The following EIF5 variants were observed in gnomAD, a reference collection of about 807,000 sequenced individuals.
The protein encoded by EIF5 is eukaryotic translation initiation factor 5.
Under a neutral mutation model 48.3 loss-of-function variants are expected in EIF5, and 10 were observed. The observed-to-expected ratio is 0.21, with a 90% CI of 0.13 to 0.35. EIF5 has a LOEUF of 0.35. Among genes scored for constraint, EIF5 ranks in the 10% least tolerant of loss-of-function variants. EIF5 has a pLI of 1.00. For missense variants in EIF5, 397 were observed against 533.2 expected (o/e 0.74, Z 2.51); for synonymous variants, 237 against 173.1 (o/e 1.37, Z -2.90).
At chr14:103,338,557 C>G (rs750276164) in intron 7 of EIF5, 85 bp downstream of exon 7, 1 of 1,505,530 alleles carries the variant, frequency 6.6e-7, no homozygotes, top group Admixed American at 2.4e-5. Context: ...AATGTTGAAA[C>G]TAGCCTTCAG....
intron 8 of EIF5, 68 bp from the exon 9 acceptor site, chr14:103,339,104 C>G: frequency 6.5e-7 from 1 of 1,542,094 alleles, no homozygotes; most frequent in South Asian, 1.3e-5. Flanking sequence ...AGAGCAGGGA[C>G]TGGCTGGTGT....
In EIF5 at chr14:103,339,158, CCTTTT is replaced by C; in HGVS notation, c.745-9_745-5del. The C allele has an allele frequency of 6.2e-7, 1 of 1,600,018 alleles. No homozygotes were observed. The highest frequency in any genetic ancestry group is 8.5e-7 in the Non-Finnish European group (1 of 1,175,806). ...TGCCTCCATTGCACTGAATTGTTTT[CCTTTT>C]CTTTGCAGAAAAAGAAAGAAGAGGG... On this transcript the variant is annotated splice_polypyrimidine_tract_variant and intron_variant, in intron 8 of 11. Coordinates refer to ENST00000216554, the MANE Select transcript of EIF5 (RefSeq NM_001969.5).
At chr14:103,338,105 AC>A (rs1197940054) in intron 6 of EIF5, 1 of 681,492 alleles carries the variant, frequency 1.5e-6, no homozygotes, top group Non-Finnish European at 2.5e-6. Flanking sequence ...CAGTTACAAT[AC>A]CCCTAATATT....
At chr14:103,338,927 A>C in intron 8 of EIF5, 34 bp downstream of exon 8, 1 of 1,604,596 alleles carries the variant, frequency 6.2e-7, no homozygotes, top group South Asian at 1.1e-5. Context: ...AATCAGCTTC[A>C]ACCCAGCCTT....
In EIF5 at chr14:103,341,003, C is replaced by G. The variant is rs1164843297; in HGVS notation, c.1247C>G (p.Thr416Ser). 2 of 1,614,162 alleles carry G rather than the reference C, an allele frequency of 1.2e-6. No homozygotes were observed. The highest frequency in any genetic ancestry group is 1.6e-4 in the Middle Eastern group (1 of 6,062). ...GCTGCCAGTGTACCGAAAGTTGAGA[C>G]TGTAAAGTCAGACAACAAGGATGAC... is the stretch of plus-strand genomic sequence containing the variant. ...SKAASVPKVE[T>S]VKSDNKDDDI... is the part of the protein sequence containing the mutation. Residue 416 changes from threonine (T) to serine (S), a missense_variant, in exon 12 of 12, where the codon ACT (threonine) becomes AGT (serine). Physicochemically the swap from Thr to Ser is moderately conservative, Grantham distance 58 (BLOSUM62 1). Around this residue, in one of 4 missense-constraint regions of EIF5, gnomAD observed 160 missense variants for 184.8 expected, o/e 0.87. Coordinates refer to ENST00000216554, the MANE Select transcript of EIF5 (RefSeq NM_001969.5).
chr14:103,337,208 C>T lies in EIF5; in HGVS notation c.420C>T (p.Phe140=). 1.2e-6 allele frequency: 2 copies of T among 1,612,334 alleles called. No individual in the cohort carries two copies. The highest frequency in any genetic ancestry group is 1.7e-6 in the Non-Finnish European group (2 of 1,179,604). ...MLDTHHKLCT[F]ILKNPPENSD... ...ACACACATCATAAACTCTGCACATTCATTCTCAAAAACCCACCTGGTGAGT... is the reference window on the plus strand; with the variant it reads ...ACACACATCATAAACTCTGCACATTTATTCTCAAAAACCCACCTGGTGAGT... Residue 140 remains phenylalanine, a synonymous_variant, in exon 6 of 12, where the codon TTC becomes TTT. Coordinates refer to ENST00000216554, the MANE Select transcript of EIF5 (RefSeq NM_001969.5).
Position 103,339,832 on chromosome 14 carries a change from G to T in EIF5, c.1071+29G>T, listed in dbSNP as rs552248851. The T allele has an allele frequency of 7.5e-6, 12 of 1,601,038 alleles. No individual in the cohort carries two copies. In the South Asian group the frequency reaches 1.4e-4, roughly 18 times the overall value. ...GGGAATACATAGGTGGGCTCTTAAA[G>T]TTCACAGGTTTTGGGGGGTTTTTTT... is the stretch of plus-strand genomic sequence containing the variant. On this transcript the variant is annotated intron_variant, in intron 10 of 11. Transcript: ENST00000216554.
chr14:103,339,503 A>G (rs2089328033), intron 9 of EIF5, 136 bp from the exon 10 acceptor site: 5 of 1,430,418 alleles, frequency 3.5e-6, no homozygotes. Flanking sequence ...ACAAAGTAAC[A>G]GGGATGTTTA....
chr14:103,339,280 T>A lies in EIF5; in HGVS notation c.853T>A (p.Phe285Ile), dbSNP rs775190276. 1 of 1,610,722 alleles carries A rather than the reference T, an allele frequency of 6.2e-7. No homozygotes were observed. Among genetic ancestry groups the A allele is most frequent in the Non-Finnish European group, 8.5e-7 (1 of 1,179,250 alleles). The change falls in exon 9 of 12, where the codon TTT (phenylalanine) becomes ATT (isoleucine). Residue 285 changes from phenylalanine (F) to isoleucine (I), a missense_variant. This residue lies in a region of EIF5 where 160 missense variants were observed against 184.8 expected (regional missense o/e 0.87). Coordinates refer to ENST00000216554, the MANE Select transcript of EIF5 (RefSeq NM_001969.5). ...CCCTCTTGTTCTAACTGAAGTTCTT[T>A]TTAATGAGAAGATTAGAGAACAGAT... ...MGPLVLTEVL[F>I]NEKIREQIKK...
At chr14:103,335,144 A>G (rs1182839861) in intron 2 of EIF5, 3 of 152,322 alleles carry the variant, frequency 2.0e-5, no homozygotes, top group Admixed American at 6.5e-5. Flanking sequence ...CTTAATGGCA[A>G]ATTGTGGGCG....
intron 3 of EIF5, 26 bp from the exon 4 acceptor site, chr14:103,336,010 A>G (rs2140358384): frequency 1.2e-6 from 2 of 1,614,090 alleles, no homozygotes; most frequent in East Asian, 4.5e-5. Flanking sequence ...GGGAAACTGC[A>G]CAACTAAAAT....
At chr14:103,338,978 A>G in intron 8 of EIF5, 85 bp downstream of exon 8, 3 of 1,528,326 alleles carry the variant, frequency 2.0e-6, no homozygotes, top group Non-Finnish European at 2.6e-6. Flanking sequence ...CAGTGTAATT[A>G]GGATTACTCT....
In EIF5 at chr14:103,338,419, A is replaced by ACACCACCAC. The variant is rs548001106; in HGVS notation, c.547_555dup (p.Pro183_Pro185dup). ...AAATGGCTCCGTATCCAGCAGTGAG[A>ACACCACCAC]CACCACCACCACCACCACCACCAAA... On this transcript the variant is annotated inframe_insertion, in exon 7 of 12. Transcript: ENST00000216554. The ACACCACCAC allele has an allele frequency of 1.2e-6, 2 of 1,600,538 alleles. No individual in the cohort carries two copies. The highest frequency in any genetic ancestry group is 1.7e-6 in the Non-Finnish European group (2 of 1,172,870).
Position 103,337,197 on chromosome 14 carries a change from C to G in EIF5, c.409C>G (p.Leu137Val), listed in dbSNP as rs2089296870. 6.2e-7 allele frequency: 1 copy of G among 1,613,374 alleles called. No individual in the cohort carries two copies. Among genetic ancestry groups the G allele is most frequent in the Non-Finnish European group, 8.5e-7 (1 of 1,179,870 alleles). Residue 137 changes from leucine (L) to valine (V), a missense_variant, in exon 6 of 12, where the codon CTC becomes GTC. By Grantham distance (32) the Leu-to-Val change is conservative. This residue lies in a region of EIF5 where 108 missense variants were observed against 188.3 expected (regional missense o/e 0.57). Coordinates refer to ENST00000216554, the MANE Select transcript of EIF5 (RefSeq NM_001969.5). ...AGGCATGCTTGACACACATCATAAA[C>G]TCTGCACATTCATTCTCAAAAACCC... Reference protein sequence around the residue: ...YRGMLDTHHKLCTFILKNPPE... With the variant: ...YRGMLDTHHKVCTFILKNPPE...
In EIF5 at chr14:103,344,993, G is replaced by C. The variant is rs1292863954; in HGVS notation, c.*3941G>C. 6.6e-6 allele frequency: 1 copy of C among 152,136 alleles called. No individual in the cohort carries two copies. The highest frequency in any genetic ancestry group is 1.5e-5 in the Non-Finnish European group (1 of 68,018). 9.4% of individuals were successfully genotyped at this position (152,136 alleles called of 1,614,324 possible). On this transcript the variant is annotated 3_prime_UTR_variant, in exon 12 of 12. Transcript: ENST00000216554. The stretch of plus-strand genomic sequence containing the variant: ...GCTCTTTGAATCTCAGAAAAAAGTA[G>C]ATTTTAATAAAGTGTGAAAGTTGTC...
chr14:103,336,951 C>G (rs913296932), intron 5 of EIF5, 102 bp downstream of exon 5: 12 of 1,444,210 alleles, frequency 8.3e-6, no homozygotes, highest in African/African-American at 1.4e-5. Context: ...AATTTTAAAT[C>G]AAACACAAAA....
rs1231710999 is a variant in EIF5 at position 103,340,416 on chromosome 14, A to G, written c.1072-11A>G. On this transcript the variant is annotated splice_polypyrimidine_tract_variant and intron_variant, in intron 10 of 11. Transcript: ENST00000216554. ...TTCCTCAACTAAGAGACTTGTACTC[A>G]CATTTTTTAGGCCTCTAAGAAATAT... The G allele has an allele frequency of 6.3e-7, 1 of 1,596,980 alleles. No individual in the cohort carries two copies. Among genetic ancestry groups the G allele is most frequent in the East Asian group, 2.3e-5 (1 of 44,390 alleles).
rs957806646 is a variant in EIF5 at position 103,341,594 on chromosome 14, T to C, written c.*542T>C. 1.9e-5 allele frequency: 3 copies of C among 154,148 alleles called. No individual in the cohort carries two copies. Among genetic ancestry groups the C allele is most frequent in the African/African-American group, 7.2e-5 (3 of 41,480 alleles). 9.5% of individuals were successfully genotyped at this position (154,148 alleles called of 1,614,324 possible). A position where few individuals can be genotyped will look rare whatever the true frequency, so the allele number is the denominator to read the frequency against. ...AGTTCCTCAAATTGGCATCTGGTAA[T>C]GTACATTGTGAGGTAGACTGATAAT... On this transcript the variant is annotated 3_prime_UTR_variant, in exon 12 of 12. Transcript: ENST00000216554.
chr14:103,337,019 A>T, intron 5 of EIF5, 97 bp from the exon 6 acceptor site: 1 of 1,364,616 alleles, frequency 7.3e-7, no homozygotes, highest in Non-Finnish European at 9.9e-7. Context: ...GTGTGAAAAA[A>T]GTTTTCTTTG....
Sources: gnomAD v4.1 joint callset for allele counts on GRCh38, gnomAD v4.1.1 for gene constraint, gnomAD v4.1.1 regional missense constraint, MANE v1.5 for transcripts, NCBI Gene and HGNC (gene_info 2026-07-23, HGNC 2026-07-21) for gene names.